Variants in PRUNE2 observed in about 807,000 individuals in gnomAD.
PRUNE2 encodes prune homolog 2 with BCH domain.
Under a neutral mutation model 252.0 loss-of-function variants are expected in PRUNE2, and 164 were observed. The ratio of observed to expected loss-of-function variants is 0.65; its 90% CI spans 0.57 to 0.74. PRUNE2 has a LOEUF of 0.74. PRUNE2 is among the 30% of genes least tolerant of loss of function. The pLI, the probability that PRUNE2 is intolerant of heterozygous loss-of-function variation, is 0.00. For synonymous variants in PRUNE2, 1,292 were observed against 1,350.2 expected, an observed-to-expected ratio of 0.96 and a Z score of 0.94; for missense variants, 3,495 against 3,711.0, an observed-to-expected ratio of 0.94 and a Z score of 1.51.
chr9:76,628,540 G>A lies in PRUNE2; in HGVS notation c.9149+652C>T, dbSNP rs74776165. 5.8e-3 allele frequency among the ~76,000 whole-genome samples: 851 copies of A among 147,366 alleles called. 6 individuals carry two copies. Among genetic ancestry groups the A allele is most frequent in the Non-Finnish European group, 0.01 (673 of 65,628 alleles). ...CCAAGCTATGCTAAGACCGTCTTGT[G>A]TCTGTGCAGAGTGGGGGACACAAGA... On this transcript the variant is annotated intron_variant, in intron 16 of 18. Transcript: ENST00000376718.
chr9:76,623,627 C>T (rs981937981), intron 17 of PRUNE2, among the ~76,000 whole-genome samples: 1 of 152,134 alleles, frequency 6.6e-6, no homozygotes, highest in African/African-American at 2.4e-5. Context: ...CAGAGGTTAA[C>T]TTGTAGTTTC....
chr9:76,659,942 A>G (rs2133540658), intron 9 of PRUNE2, among the ~76,000 whole-genome samples: 1 of 151,966 alleles, frequency 6.6e-6, no homozygotes, highest in African/African-American at 2.4e-5. Context: ...AATCTCACTC[A>G]GAGGTTTTTC....
At chr9:76,762,661 G>A (rs1423394337) in intron 6 of PRUNE2, among the ~76,000 whole-genome samples, 2 of 152,108 alleles carry the variant, frequency 1.3e-5, no homozygotes, top group African/African-American at 4.8e-5. Flanking sequence ...TAGAATGACT[G>A]TCTGTGGCTC....
At chr9:76,790,665 G>A (rs2055464324) in intron 6 of PRUNE2, among the ~76,000 whole-genome samples, 1 of 152,152 alleles carries the variant, frequency 6.6e-6, no homozygotes, top group African/African-American at 2.4e-5. Flanking sequence ...AAGGAGAAAG[G>A]TTGTGCTTTC....
chr9:76,647,867 CAG>C (rs1234509270), intron 11 of PRUNE2, among the ~76,000 whole-genome samples: 2 of 152,108 alleles, frequency 1.3e-5, no homozygotes, highest in African/African-American at 4.8e-5. Flanking sequence ...GAGGCTGACA[CAG>C]GGGAATCGCT....
At chr9:76,856,121 C>G (rs1286566241) in intron 1 of PRUNE2, among the ~76,000 whole-genome samples, 1 of 152,192 alleles carries the variant, frequency 6.6e-6, no homozygotes, top group Non-Finnish European at 1.5e-5. Flanking sequence ...ATAAGGCAGA[C>G]AGTAAGAAGA....
intron 18 of PRUNE2, among the ~76,000 whole-genome samples, chr9:76,615,711 T>A (rs545992642): frequency 2.0e-5 from 3 of 151,936 alleles, no homozygotes; most frequent in Non-Finnish European, 4.4e-5. Flanking sequence ...TAATGTCTGT[T>A]ATTATTAGCA....
At chr9:76,875,009 G>T (rs141561456) in intron 1 of PRUNE2, among the ~76,000 whole-genome samples, 55 of 152,116 alleles carry the variant, frequency 3.6e-4, no homozygotes, top group African/African-American at 1.3e-3. Context: ...CTATACTTCT[G>T]AGGCCTTTTT....
intron 4 of PRUNE2, among the ~76,000 whole-genome samples, chr9:76,832,293 A>G (rs977612115): frequency 1.3e-5 from 2 of 152,140 alleles, no homozygotes; most frequent in Non-Finnish European, 2.9e-5. Flanking sequence ...ATTGTTACCA[A>G]CAGTGGTGGA....
rs201434418 is a variant in PRUNE2 at position 76,707,357 on chromosome 9, A to T, written c.4917T>A (p.Ser1639Arg). Residue 1639 changes from serine to arginine, a missense_variant, in exon 8 of 19, where the codon AGT becomes AGA. Coordinates refer to ENST00000376718, the MANE Select transcript of PRUNE2 (RefSeq NM_015225.3). ...VDGDSFSSLS[S>R]PETGKYSEHS... ...GTTCAGAATATTTGCCTGTTTCAGG[A>T]CTGGATAAAGAGGAAAAGGAATCAC... The T allele has an allele frequency of 6.2e-7, 1 of 1,614,006 alleles. No individual in the cohort carries two copies. Among genetic ancestry groups the T allele is most frequent in the Non-Finnish European group, 8.5e-7 (1 of 1,179,872 alleles).
Position 76,720,975 on chromosome 9 carries a change from C to T in PRUNE2, c.757-7254G>A, listed in dbSNP as rs939510077. Reference sequence around the variant, plus strand: ...AATTAGCCAGGCGTGGTGACCGGCGCGTGTAGTCCCAGCTACTCGGAGAGG... The same window carrying T: ...AATTAGCCAGGCGTGGTGACCGGCGTGTGTAGTCCCAGCTACTCGGAGAGG... On this transcript the variant is annotated intron_variant, in intron 6 of 18. Coordinates refer to ENST00000376718, the MANE Select transcript of PRUNE2 (RefSeq NM_015225.3). 6.6e-5 allele frequency among the ~76,000 whole-genome samples: 10 copies of T among 152,082 alleles called. 1 individual carries two copies. The highest frequency in any genetic ancestry group is 1.2e-4 in the Non-Finnish European group (8 of 68,018).
chr9:76,841,332 A>G (rs1487725907), intron 4 of PRUNE2, among the ~76,000 whole-genome samples: 1 of 152,192 alleles, frequency 6.6e-6, no homozygotes, highest in Admixed American at 6.5e-5. Context: ...AGACCAGGAG[A>G]TTCCCTTGGA....
rs2046545729 is a variant in PRUNE2 at position 76,709,358 on chromosome 9, A to C, written c.2916T>G (p.Ser972=). Residue 972 remains serine (S), a synonymous_variant, in exon 8 of 19, where the codon TCT becomes TCG. Coordinates refer to ENST00000376718, the MANE Select transcript of PRUNE2 (RefSeq NM_015225.3). ...CTCCAGCAAATGTTGGTGATGTGTA[A>C]GAGTCTGAGGTGGAATAATTGGTAT... ...PLDTNYSTSD[S]YTSPTFAGDE... The C allele has an allele frequency of 3.1e-6, 5 of 1,613,938 alleles. No individual in the cohort carries two copies. The East Asian group carries it at 1.1e-4, about 36-fold the overall frequency.
intron 1 of PRUNE2, among the ~76,000 whole-genome samples, chr9:76,902,819 C>T (rs2063260525): frequency 6.6e-6 from 1 of 152,172 alleles, no homozygotes; most frequent in African/African-American, 2.4e-5. Flanking sequence ...CCTCTGAGGC[C>T]ACACCTGGAG....
chr9:76,615,981 G>C (rs551136077), intron 18 of PRUNE2, among the ~76,000 whole-genome samples: 2 of 152,040 alleles, frequency 1.3e-5, no homozygotes, highest in Non-Finnish European at 2.9e-5. Context: ...TGTTGGCCAG[G>C]ATGATCTCGA....
At chr9:76,636,438 A>G (rs774333140) in intron 15 of PRUNE2, 33 bp downstream of exon 15, 7 of 1,161,342 alleles carry the variant, frequency 6.0e-6, no homozygotes. Context: ...AACTACTAGT[A>G]GTACTTTTAT....
intron 6 of PRUNE2, among the ~76,000 whole-genome samples, chr9:76,758,094 G>A (rs1030098756): frequency 9.9e-5 from 15 of 152,116 alleles, no homozygotes; most frequent in Non-Finnish European, 1.9e-4. Flanking sequence ...AAAATAGAAA[G>A]TTCAAAATAC....
At chr9:76,693,187 A>C (rs2044969560) in intron 9 of PRUNE2, among the ~76,000 whole-genome samples, 2 of 152,176 alleles carry the variant, frequency 1.3e-5, no homozygotes, top group African/African-American at 4.8e-5. Context: ...TATGATCTTC[A>C]AAAAATATAT....
At chr9:76,643,324 A>AT (rs1843341725) in intron 12 of PRUNE2, among the ~76,000 whole-genome samples, 1 of 152,036 alleles carries the variant, frequency 6.6e-6, no homozygotes, top group African/African-American at 2.4e-5. Flanking sequence ...AGACATTTTA[A>AT]TTTTTTAATA....
Sources: allele counts gnomAD v4.1 joint callset (sites outside exome capture counted in the v4.1 genomes callset), GRCh38; gene constraint gnomAD v4.1.1; transcripts MANE v1.5; gene names NCBI Gene and HGNC (gene_info 2026-07-23, HGNC 2026-07-21).